NRG3: variants seen among roughly 807,000 people sequenced by gnomAD.
The protein encoded by NRG3 is pro-neuregulin-3, membrane-bound isoform.
NRG3 carries 31 observed loss-of-function variants against 66.9 expected under a neutral mutation model. The ratio of observed to expected loss-of-function variants is 0.46; its 90% CI spans 0.35 to 0.63. The LOEUF is 0.63. NRG3 is among the 20% of genes least tolerant of loss of function. The probability of loss-of-function intolerance (pLI) is 0.00; values close to 1 mark genes in which losing one functional copy is unlikely to be tolerated. For missense variants in NRG3, 910 were observed against 878.9 expected (o/e 1.04, Z -0.45); for synonymous variants, 393 against 359.4 (o/e 1.09, Z -1.06).
intron 3 of NRG3, among the ~76,000 whole-genome samples, chr10:82,782,935 T>C (rs1002527188): frequency 2.0e-5 from 3 of 152,184 alleles, no homozygotes; most frequent in Admixed American, 6.5e-5. Context: ...ATATCCTTGA[T>C]GAACATTGAT....
At chr10:82,850,075 A>G (rs1303269902) in intron 3 of NRG3, among the ~76,000 whole-genome samples, 2 of 152,180 alleles carry the variant, frequency 1.3e-5, no homozygotes, top group Non-Finnish European at 2.9e-5. Context: ...TTGGTAGAAG[A>G]CAGAAGGGGC....
intron 1 of NRG3, among the ~76,000 whole-genome samples, chr10:81,923,006 T>A (rs1387185299): frequency 6.6e-6 from 1 of 152,162 alleles, no homozygotes; most frequent in Non-Finnish European, 1.5e-5. Context: ...CTGCAAAATG[T>A]TTTCAGTGGT....
chr10:82,899,604 A>G (rs1198635139), intron 4 of NRG3, among the ~76,000 whole-genome samples: 1 of 152,350 alleles, frequency 6.6e-6, no homozygotes, highest in East Asian at 1.9e-4. Flanking sequence ...AAGCATATTT[A>G]GTAATAAAAT....
chr10:81,897,008 G>C (rs548655195), intron 1 of NRG3, among the ~76,000 whole-genome samples: 41 of 152,254 alleles, frequency 2.7e-4, no homozygotes, highest in African/African-American at 8.7e-4. Flanking sequence ...AGGATAAAAA[G>C]TTTGAATTTA....
At position 82,850,162 on chromosome 10, in the gene NRG3, A is replaced by T. The variant is rs1489929940; in HGVS notation, c.1028-15249A>T. Among the ~76,000 whole-genome samples the T allele has an allele frequency of 3.3e-5, 5 of 152,192 alleles. No homozygotes were observed. The South Asian group carries it at 1.0e-3, about 32-fold the overall frequency. On this transcript the variant is annotated intron_variant, in intron 3 of 8. Transcript: ENST00000372141. ...GGAATGGAGACAAGTTTTCTAGAGG[A>T]TGCTTCAAGGAGTTTCCACTTAGGA...
At chr10:82,142,759 T>G (rs978961580) in intron 1 of NRG3, among the ~76,000 whole-genome samples, 37 of 136,388 alleles carry the variant, frequency 2.7e-4, no homozygotes, top group African/African-American at 8.5e-4. Context: ...TCTCTCTCTC[T>G]CTCGCTCTTT....
At chr10:82,606,490 G>A (rs1002239218) in intron 2 of NRG3, among the ~76,000 whole-genome samples, 58 of 152,142 alleles carry the variant, frequency 3.8e-4, no homozygotes, top group African/African-American at 1.4e-3. Flanking sequence ...GTATTCTGAT[G>A]TGATTGAATG....
chr10:82,924,037 C>A (rs1331686605), intron 4 of NRG3, among the ~76,000 whole-genome samples: 3 of 141,772 alleles, frequency 2.1e-5, no homozygotes, highest in African/African-American at 8.0e-5. Flanking sequence ...GGCAGTGAGC[C>A]GAGATCATGC....
intron 1 of NRG3, among the ~76,000 whole-genome samples, chr10:82,062,604 C>T (rs377427243): frequency 7.0e-6 from 1 of 143,220 alleles, no homozygotes; most frequent in African/African-American, 2.6e-5. Context: ...GACTCCATCT[C>T]AAAAAAAAAA....
chr10:82,967,508 C>G (rs112361989), intron 6 of NRG3, among the ~76,000 whole-genome samples: 1 of 152,160 alleles, frequency 6.6e-6, no homozygotes, highest in African/African-American at 2.4e-5. Context: ...CATACCTTTG[C>G]ACTGTTCAAC....
rs151109536 is a variant in NRG3, at chr10:82,105,244, A to G, written c.823+229081A>G. Among the ~76,000 whole-genome samples the G allele has an allele frequency of 2.4e-4, 37 of 152,274 alleles. No homozygotes were observed. The East Asian group carries it at 6.7e-3, about 28-fold the overall frequency. Reference sequence around the variant, plus strand: ...GAATTGGCAGATTCAAGTGCAGCAAAGTTTGAACATAATCAAAGGTGCACT... The same window carrying G: ...GAATTGGCAGATTCAAGTGCAGCAAGGTTTGAACATAATCAAAGGTGCACT... On this transcript the variant is annotated intron_variant, in intron 1 of 8. Transcript: ENST00000372141.
At chr10:82,737,900 C>A (rs1433303705) in intron 2 of NRG3, among the ~76,000 whole-genome samples, 2 of 152,066 alleles carry the variant, frequency 1.3e-5, no homozygotes, top group African/African-American at 4.8e-5. Context: ...GGACAGTTGG[C>A]TTGTACAATG....
chr10:82,738,694 G>A (rs1435059320), intron 3 of NRG3, 44 bp downstream of exon 3: 2 of 1,501,126 alleles, frequency 1.3e-6, no homozygotes, highest in African/African-American at 2.8e-5. Flanking sequence ...TATATAGGCA[G>A]CGTTTATTCT....
chr10:82,479,644 A>G (rs1022079522), intron 2 of NRG3, among the ~76,000 whole-genome samples: 3 of 141,612 alleles, frequency 2.1e-5, no homozygotes, highest in Non-Finnish European at 4.6e-5. Context: ...AGCATGGACA[A>G]CAAGAGCAAA....
intron 2 of NRG3, among the ~76,000 whole-genome samples, chr10:82,678,912 G>A (rs949414392): frequency 1.3e-5 from 2 of 152,128 alleles, no homozygotes; most frequent in Non-Finnish European, 2.9e-5. Flanking sequence ...GTATACATAT[G>A]TATGTAATGA....
chr10:82,985,760 A>AT lies in NRG3; in HGVS notation c.*162dup. 2.4e-6 allele frequency: 2 copies of AT among 820,524 alleles called. No homozygotes were observed. The highest frequency in any genetic ancestry group is 3.7e-5 in the South Asian group (2 of 53,564). The allele number at this position is 820,524 out of a possible 1,614,324, so 50.8% of individuals were successfully genotyped here. A position where few individuals can be genotyped will look rare whatever the true frequency, so the allele number is the denominator to read the frequency against. The stretch of plus-strand genomic sequence containing the variant: ...ATATCATAGTGTTTTTTAACAAAAT[A>AT]TTTTTTTAAGGGAAAGAAATGTTTC... On this transcript the variant is annotated 3_prime_UTR_variant, in exon 9 of 9. Transcript: ENST00000372141.
At chr10:82,163,877 G>A (rs1246038815) in intron 1 of NRG3, among the ~76,000 whole-genome samples, 2 of 151,954 alleles carry the variant, frequency 1.3e-5, no homozygotes, top group Non-Finnish European at 2.9e-5. Flanking sequence ...CTTCAAGCAA[G>A]GGACCTATAT....
intron 1 of NRG3, among the ~76,000 whole-genome samples, chr10:81,921,073 T>C (rs988073730): frequency 3.3e-5 from 5 of 152,076 alleles, no homozygotes; most frequent in African/African-American, 7.2e-5. Flanking sequence ...TTTTAAAATA[T>C]TGATATTGAT....
intron 4 of NRG3, among the ~76,000 whole-genome samples, chr10:82,899,160 CATAG>C (rs2131862049): frequency 6.6e-6 from 1 of 152,190 alleles, no homozygotes; most frequent in African/African-American, 2.4e-5. Context: ...TTGTCAAAGT[CATAG>C]ATAGCCATTC....
Sources: allele counts gnomAD v4.1 joint callset (sites outside exome capture counted in the v4.1 genomes callset), GRCh38; gene constraint gnomAD v4.1.1; transcripts MANE v1.5; gene names NCBI Gene and HGNC (gene_info 2026-07-23, HGNC 2026-07-21).